Variants in TFB1M observed in about 807,000 individuals in gnomAD.
The protein encoded by TFB1M is dimethyladenosine transferase 1, mitochondrial.
In TFB1M, 27 loss-of-function variants were observed where a neutral mutation model predicts 31.1. The observed-to-expected ratio is 0.87, with a 90% CI of 0.64 to 1.20. The LOEUF (loss-of-function observed/expected upper bound fraction) is 1.20. TFB1M is among the 50% of genes most tolerant of loss of function. The probability of loss-of-function intolerance (pLI) is 0.00; values close to 1 mark genes in which losing one functional copy is unlikely to be tolerated. For missense variants in TFB1M, 394 were observed against 418.7 expected, an observed-to-expected ratio of 0.94 and a Z score of 0.51; for synonymous variants, 166 against 151.8, an observed-to-expected ratio of 1.09 and a Z score of -0.69.
chr6:155,265,845 T>C (rs757409043), intron 5 of TFB1M, among the ~76,000 whole-genome samples: 4 of 150,812 alleles, frequency 2.7e-5, no homozygotes, highest in Non-Finnish European at 4.4e-5. Flanking sequence ...GGTCCCACAA[T>C]AGGCCATCTG....
At chr6:155,238,466 CAAAAG>C in the TFB1M span, among the ~76,000 whole-genome samples, 1,067 of 152,338 alleles carry the variant, frequency 7.0e-3, 11 homozygotes, top group African/African-American at 0.023. Context: ...GCCCCCGACT[CAAAAG>C]AGAAGCGATT....
At chr6:155,259,915 G>A (rs1489098373) in intron 6 of TFB1M, among the ~76,000 whole-genome samples, 2 of 152,354 alleles carry the variant, frequency 1.3e-5, no homozygotes, top group African/African-American at 4.8e-5. Flanking sequence ...TAGTTCTCAA[G>A]TGTGTCCTTA....
At chr6:155,275,721 T>G in intron 5 of TFB1M, 1 of 1,611,760 alleles carries the variant, frequency 6.2e-7, no homozygotes, top group Non-Finnish European at 8.5e-7. Context: ...AGTAACATCA[T>G]GGCCTCAGCA....
Position 155,257,225 on chromosome 6 carries a change from G to C in TFB1M, c.*611C>G. ...AAAAAAAAAAAACTGTTCATTCCTG[G>C]GTTTTGTGCAGTATACATTTTCCCA... On this transcript the variant is annotated 3_prime_UTR_variant, in exon 7 of 7. Transcript: ENST00000367166. The C allele has an allele frequency of 1.6e-6, 2 of 1,262,136 alleles. No individual in the cohort carries two copies. The highest frequency in any genetic ancestry group is 1.5e-5 in the African/African-American group (1 of 65,520). The allele number at this position is 1,262,136 out of a possible 1,614,324, so 78.2% of individuals were successfully genotyped here. A position where few individuals can be genotyped will look rare whatever the true frequency, so the allele number is the denominator to read the frequency against.
the TFB1M span, among the ~76,000 whole-genome samples, chr6:155,229,912 G>A: frequency 5.3e-5 from 8 of 152,122 alleles, no homozygotes; most frequent in East Asian, 3.9e-4. Flanking sequence ...ATCAGATCTC[G>A]TGAGACTTAT....
rs529019997 is a variant in TFB1M at position 155,314,400 on chromosome 6, C to A, written c.29G>T (p.Cys10Phe). 1 of 1,614,258 alleles carries A rather than the reference C, an allele frequency of 6.2e-7. No homozygotes were observed. Among genetic ancestry groups the A allele is most frequent in the Admixed American group, 1.7e-5 (1 of 60,032 alleles). The change falls in exon 1 of 7, where the codon TGC (cysteine) becomes TTC (phenylalanine). Residue 10 changes from cysteine (C) to phenylalanine (F), a missense_variant. This residue lies in a region of TFB1M where 273 missense variants were observed against 256.4 expected (regional missense o/e 1.06). Transcript: ENST00000367166. ...AATCGTGGGCAACGGAGGGAGACGG[C>A]AAGTGCTGAGTTTTCCGGAGGCAGC... MAASGKLST[C>F]RLPPLPTIRE...
At chr6:155,308,002 A>G (rs1404512012) in intron 2 of TFB1M, among the ~76,000 whole-genome samples, 1 of 152,114 alleles carries the variant, frequency 6.6e-6, no homozygotes, top group African/African-American at 2.4e-5. Flanking sequence ...ATGGAGAAGA[A>G]CCTATCAAAG....
chr6:155,272,972 TAGAA>T (rs776818428), intron 5 of TFB1M, among the ~76,000 whole-genome samples: 25 of 152,070 alleles, frequency 1.6e-4, no homozygotes, highest in Non-Finnish European at 3.7e-4. Context: ...TCAGTCAAAG[TAGAA>T]AGAAAGAGAG....
chr6:155,289,947 C>T (rs1210375101), intron 4 of TFB1M, among the ~76,000 whole-genome samples: 1 of 152,306 alleles, frequency 6.6e-6, no homozygotes, highest in East Asian at 1.9e-4. Context: ...GCCTGCTTCC[C>T]CTTTGCCTTC....
At chr6:155,244,174 C>A in the TFB1M span, 1 of 1,197,940 alleles carries the variant, frequency 8.3e-7, no homozygotes, top group East Asian at 2.3e-5. Context: ...CTGTTGATCC[C>A]AAAAGAACAT....
intron 2 of TFB1M, among the ~76,000 whole-genome samples, chr6:155,300,666 A>C (rs2114787391): frequency 6.6e-6 from 1 of 152,354 alleles, no homozygotes; most frequent in East Asian, 1.9e-4. Flanking sequence ...ACAACAGAAC[A>C]ATGTAAATTT....
chr6:155,243,459 C>T, the TFB1M span, among the ~76,000 whole-genome samples: 9 of 152,140 alleles, frequency 5.9e-5, no homozygotes, highest in East Asian at 1.9e-4. Context: ...AGGGAATGAT[C>T]GAGCTGTAAA....
downstream of TFB1M, chr6:155,252,101 T>C (rs1160458106): frequency 6.9e-6 from 6 of 867,236 alleles, no homozygotes; most frequent in Admixed American, 7.7e-5. Flanking sequence ...AAGGCTGGGC[T>C]GACTGATACT....
rs1293987170 is a variant in TFB1M at position 155,257,268 on chromosome 6, TTTAAG to T, written c.*563_*567del. The stretch of plus-strand genomic sequence containing the variant: ...TTTTCCCACAAAATGGTTGTAAAGA[TTTAAG>T]TTATTTTAATTTATTGTGGATCAGA... On this transcript the variant is annotated 3_prime_UTR_variant, in exon 7 of 7. Coordinates refer to ENST00000367166, the MANE Select transcript of TFB1M (RefSeq NM_016020.4). The T allele has an allele frequency of 2.3e-6, 2 of 878,676 alleles. No individual in the cohort carries two copies. Among genetic ancestry groups the T allele is most frequent in the East Asian group, 2.7e-5 (1 of 37,424 alleles). 54.4% of individuals were successfully genotyped at this position (878,676 alleles called of 1,614,324 possible).
chr6:155,307,424 C>G (rs1416228679), intron 2 of TFB1M, among the ~76,000 whole-genome samples: 1 of 152,044 alleles, frequency 6.6e-6, no homozygotes, highest in Non-Finnish European at 1.5e-5. Context: ...TGGCAACAGG[C>G]AAAGAGAGAG....
At chr6:155,302,842 T>G (rs1777493412) in intron 2 of TFB1M, among the ~76,000 whole-genome samples, 1 of 152,200 alleles carries the variant, frequency 6.6e-6, no homozygotes, top group South Asian at 2.1e-4. Flanking sequence ...TTTAATTGAC[T>G]CACAGTTCAG....
chr6:155,300,867 C>T (rs112505326), intron 2 of TFB1M, among the ~76,000 whole-genome samples: 3,454 of 152,012 alleles, frequency 0.023, 54 homozygotes, highest in South Asian at 0.041. Context: ...TGCAGTGGTG[C>T]AATCTTGGCT....
chr6:155,258,454 A>AT (rs1377729803), intron 6 of TFB1M, among the ~76,000 whole-genome samples: 5 of 152,354 alleles, frequency 3.3e-5, no homozygotes, highest in African/African-American at 1.2e-4. Flanking sequence ...CTTGTGTGAC[A>AT]AATCATCAGT....
chr6:155,298,445 GAA>G lies in TFB1M; in HGVS notation c.394+30_394+31del, dbSNP rs769529362. 9.2e-6 allele frequency: 10 copies of G among 1,084,314 alleles called. No homozygotes were observed. In the East Asian group the frequency reaches 2.4e-4, roughly 26 times the overall value. 67.2% of individuals were successfully genotyped at this position (1,084,314 alleles called of 1,614,324 possible). On this transcript the variant is annotated intron_variant, in intron 3 of 6. Transcript: ENST00000367166. Reference sequence around the variant, plus strand: ...ATTTGTGATATAAATAATCATAAAAGAAATGTTTTATAACTACCCAAAAGCAC... The same window carrying G: ...ATTTGTGATATAAATAATCATAAAAGATGTTTTATAACTACCCAAAAGCAC...
Sources: allele counts gnomAD v4.1 joint callset (sites outside exome capture counted in the v4.1 genomes callset), GRCh38; gene constraint gnomAD v4.1.1; regional missense constraint gnomAD v4.1.1; transcripts MANE v1.5; gene names NCBI Gene and HGNC (gene_info 2026-07-23, HGNC 2026-07-21).